NUP58: variants seen among roughly 807,000 people sequenced by gnomAD.
NUP58 encodes nucleoporin p58/p45.
In NUP58, 17 loss-of-function variants were observed where a neutral mutation model predicts 70.1. The ratio of observed to expected loss-of-function variants is 0.24; its 90% confidence interval spans 0.17 to 0.36. The LOEUF (loss-of-function observed/expected upper bound fraction) is 0.36. Ranked by LOEUF, NUP58 falls within the 10% of genes least tolerant of loss-of-function variation. The pLI, the probability that NUP58 is intolerant of heterozygous loss-of-function variation, is 1.00. For missense variants in NUP58, 644 were observed against 701.5 expected (o/e 0.92, Z 0.93); for synonymous variants, 275 against 257.6 (o/e 1.07, Z -0.65).
At chr13:25,331,721 A>T in intron 13 of NUP58, 163 bp downstream of exon 13, 1 of 1,431,260 alleles carries the variant, frequency 7.0e-7, no homozygotes, top group Non-Finnish European at 9.2e-7. Context: ...CATACCTGAT[A>T]AAAAAGGCAG....
At chr13:25,348,136 T>A (rs1297242703) in intron 3 of NUP58, among the ~76,000 whole-genome samples, 1 of 152,206 alleles carries the variant, frequency 6.6e-6, no homozygotes, top group Non-Finnish European at 1.5e-5. Flanking sequence ...TTAATTTTTA[T>A]CTATTTAAAT....
At chr13:25,302,436 A>G (rs2030069635) in intron 1 of NUP58, among the ~76,000 whole-genome samples, 1 of 152,096 alleles carries the variant, frequency 6.6e-6, no homozygotes, top group South Asian at 2.1e-4. Flanking sequence ...ATTAGTGGTA[A>G]TTTTCTGCAG....
In NUP58 at chr13:25,307,956, G is replaced by A. The variant is rs1196392554; in HGVS notation, c.250+8G>A. 1.9e-6 allele frequency: 3 copies of A among 1,613,110 alleles called. No homozygotes were observed. Among genetic ancestry groups the A allele is most frequent in the Admixed American group, 1.7e-5 (1 of 59,808 alleles). On this transcript the variant is annotated splice_region_variant and intron_variant, in intron 2 of 15. Coordinates refer to ENST00000381736, the MANE Select transcript of NUP58 (RefSeq NM_014089.4). Reference sequence around the variant, plus strand: ...TAGGAGGAACAAATACAGGTGAGGAGGATCTGATCACATTGTCAGAGAGTA... The same window carrying A: ...TAGGAGGAACAAATACAGGTGAGGAAGATCTGATCACATTGTCAGAGAGTA...
chr13:25,334,335 A>G (rs556399642), intron 13 of NUP58: 1 of 985,336 alleles, frequency 1.0e-6, no homozygotes, highest in Admixed American at 6.2e-5. Flanking sequence ...TTGTGTTTTG[A>G]CACTTTAAGA....
intron 3 of NUP58, 34 bp downstream of exon 3, chr13:25,309,316 G>A (rs1451796289): frequency 6.6e-7 from 1 of 1,513,204 alleles, no homozygotes; most frequent in African/African-American, 1.4e-5. Flanking sequence ...CCAGCTCTGT[G>A]GTCTTCTAAT....
At chr13:25,325,636 C>G (rs2031365930) in intron 10 of NUP58, among the ~76,000 whole-genome samples, 1 of 152,178 alleles carries the variant, frequency 6.6e-6, no homozygotes, top group Admixed American at 6.5e-5. Context: ...CACAAGATCT[C>G]TGTAGCTGTT....
intron 9 of NUP58, among the ~76,000 whole-genome samples, chr13:25,322,981 CGAAA>C (rs1566064983): frequency 6.6e-6 from 1 of 151,950 alleles, no homozygotes; most frequent in Non-Finnish European, 1.5e-5. Context: ...GAGGCAAACT[CGAAA>C]GAAAGAAGTG....
chr13:25,307,878 A>T lies in NUP58; in HGVS notation c.180A>T (p.Ser60=). 6.2e-7 allele frequency: 1 copy of T among 1,614,146 alleles called. No homozygotes were observed. The highest frequency in any genetic ancestry group is 8.5e-7 in the Non-Finnish European group (1 of 1,180,030). ...TSTPATTSAP[S]SGFGTGLFGS... is the part of the protein sequence containing the mutation. ...CTCCAGCAACTACATCTGCTCCTTC[A>T]AGTGGTTTTGGAACCGGGCTCTTTG... Residue 60 remains serine (S), a synonymous_variant, in exon 2 of 16, where the codon TCA becomes TCT. Coordinates refer to ENST00000381736, the MANE Select transcript of NUP58 (RefSeq NM_014089.4).
intron 9 of NUP58, among the ~76,000 whole-genome samples, chr13:25,323,867 A>T (rs2031287204): frequency 6.6e-6 from 1 of 152,230 alleles, no homozygotes; most frequent in Non-Finnish European, 1.5e-5. Flanking sequence ...ATTAGGGATC[A>T]AGACTTAGAC....
chr13:25,326,080 C>T (rs994102469), intron 10 of NUP58, among the ~76,000 whole-genome samples: 3 of 152,154 alleles, frequency 2.0e-5, no homozygotes, highest in Non-Finnish European at 4.4e-5. Context: ...TAAAGTACTT[C>T]AGTGGATATT....
At chr13:25,324,726 C>G (rs1201972778) in intron 9 of NUP58, among the ~76,000 whole-genome samples, 1 of 152,130 alleles carries the variant, frequency 6.6e-6, no homozygotes, top group Non-Finnish European at 1.5e-5. Flanking sequence ...AATGAATTCA[C>G]TTCGTGAATC....
chr13:25,348,003 C>A (rs892035278), intron 3 of NUP58, among the ~76,000 whole-genome samples: 3 of 152,130 alleles, frequency 2.0e-5, no homozygotes, highest in East Asian at 1.9e-4. Flanking sequence ...CTATTATAAT[C>A]CAACAAGGGA....
At chr13:25,302,459 A>G (rs1300766112) in intron 1 of NUP58, among the ~76,000 whole-genome samples, 3 of 152,230 alleles carry the variant, frequency 2.0e-5, no homozygotes. Context: ...TGTGCAGATT[A>G]GTATATCTGA....
intron 1 of NUP58, among the ~76,000 whole-genome samples, chr13:25,302,274 G>T (rs1566053045): frequency 6.6e-6 from 1 of 152,252 alleles, no homozygotes; most frequent in Non-Finnish European, 1.5e-5. Context: ...TTTTATGATA[G>T]ATAATTCCGA....
chr13:25,332,749 GTC>G (rs2031654753), intron 13 of NUP58: 1 of 985,310 alleles, frequency 1.0e-6, no homozygotes, highest in Non-Finnish European at 1.2e-6. Context: ...CACGAGCACT[GTC>G]TGGTAGCTCT....
chr13:25,304,925 C>T (rs2030243973), intron 1 of NUP58, among the ~76,000 whole-genome samples: 1 of 152,088 alleles, frequency 6.6e-6, no homozygotes, highest in African/African-American at 2.4e-5. Context: ...AGACTACTAC[C>T]AGCTAAGCTA....
At chr13:25,308,925 A>G (rs2030516227) in intron 2 of NUP58, among the ~76,000 whole-genome samples, 1 of 152,240 alleles carries the variant, frequency 6.6e-6, no homozygotes, top group Non-Finnish European at 1.5e-5. Flanking sequence ...TGAGCAGATT[A>G]GTCAGTGAGC....
At chr13:25,302,991 TG>T in intron 1 of NUP58, 1 of 456,762 alleles carries the variant, frequency 2.2e-6, no homozygotes, top group South Asian at 1.5e-5. Context: ...GATTCCCATG[TG>T]CAAGGCTCTG....
chr13:25,309,583 C>A lies in NUP58; in HGVS notation c.286+301C>A, dbSNP rs73466653. On this transcript the variant is annotated intron_variant, in intron 3 of 15. Coordinates refer to ENST00000381736, the MANE Select transcript of NUP58 (RefSeq NM_014089.4). ...ATTTGACTCCAGTTAGTGGAAAAAA[C>A]ACCAAACTTTAAGCCAGAAATTTTG... 4.9e-3 allele frequency among the ~76,000 whole-genome samples: 752 copies of A among 152,230 alleles called. 4 individuals carry two copies. The highest frequency in any genetic ancestry group is 0.017 in the African/African-American group (704 of 41,552).
Sources: gnomAD v4.1 joint callset for allele counts (sites outside exome capture counted in the v4.1 genomes callset) on GRCh38, gnomAD v4.1.1 for gene constraint, MANE v1.5 for transcripts, NCBI Gene and HGNC (gene_info 2026-07-23, HGNC 2026-07-21) for gene names.